ASTN2: variants seen among roughly 807,000 people sequenced by gnomAD.
The protein encoded by ASTN2 is astrotactin-2.
ASTN2 carries 54 observed loss-of-function variants against 139.8 expected under a neutral mutation model. The ratio of observed to expected loss-of-function variants is 0.39; its 90% CI spans 0.31 to 0.48. ASTN2 has a LOEUF of 0.48. Among genes scored for constraint, ASTN2 ranks in the 20% least tolerant of loss-of-function variants. The pLI is 0.95. For missense variants in ASTN2, 1,565 were observed against 1,725.1 expected (o/e 0.91, Z 1.64); for synonymous variants, 756 against 719.5 (o/e 1.05, Z -0.81).
chr9:116,779,674 T>C (rs1254980011), intron 13 of ASTN2, among the ~76,000 whole-genome samples: 1 of 152,162 alleles, frequency 6.6e-6, no homozygotes, highest in Non-Finnish European at 1.5e-5. Context: ...TTCTCTAGTA[T>C]TGCTAATTTC....
intron 5 of ASTN2, among the ~76,000 whole-genome samples, chr9:117,056,703 A>G (rs1007523304): frequency 6.6e-6 from 1 of 152,236 alleles, no homozygotes; most frequent in African/African-American, 2.4e-5. Context: ...GGAAGCCCCT[A>G]TGTTCACACA....
At chr9:116,853,389 C>T (rs186735490) in intron 11 of ASTN2, among the ~76,000 whole-genome samples, 1 of 152,136 alleles carries the variant, frequency 6.6e-6, no homozygotes, top group Admixed American at 6.5e-5. Flanking sequence ...CTTTTCGTTT[C>T]AGAGCTAAGG....
intron 16 of ASTN2, among the ~76,000 whole-genome samples, chr9:116,673,311 T>G (rs1859311552): frequency 6.6e-6 from 1 of 152,216 alleles, no homozygotes; most frequent in African/African-American, 2.4e-5. Context: ...ATTCACCGGT[T>G]ACATATCTCA....
chr9:117,316,034 T>C (rs1051879032), intron 1 of ASTN2, among the ~76,000 whole-genome samples: 1 of 152,210 alleles, frequency 6.6e-6, no homozygotes, highest in Non-Finnish European at 1.5e-5. Flanking sequence ...AGGAGGTAGA[T>C]ACTCATATTA....
intron 13 of ASTN2, among the ~76,000 whole-genome samples, chr9:116,790,659 T>G (rs910743578): frequency 6.6e-6 from 1 of 151,180 alleles, no homozygotes; most frequent in East Asian, 2.0e-4. Context: ...AACTGTCTTC[T>G]TCTCTTTATC....
In ASTN2 at chr9:117,414,643, G is replaced by GCGGCTC. The variant is rs1273138589; in HGVS notation, c.290_295dup (p.Gly97_Ala98dup). 9 of 1,387,014 alleles carry GCGGCTC rather than the reference G, an allele frequency of 6.5e-6. No individual in the cohort carries two copies. The East Asian group carries it at 2.8e-4, about 43-fold the overall frequency. The allele number at this position is 1,387,014 out of a possible 1,614,324, so 85.9% of individuals were successfully genotyped here. On this transcript the variant is annotated inframe_insertion, in exon 1 of 23. Transcript: ENST00000313400. This position sits in a 1 kb window ranked among gnomAD's most constrained non-coding sequence, Gnocchi z 4.2. ...AGAGCCCGGGGACGCGGCGGCGGCGGCGGCTCCGGCCCCGGTCCCAGCCCC... is the reference window on the plus strand; with the variant it reads ...AGAGCCCGGGGACGCGGCGGCGGCGGCGGCTCCGGCTCCGGCCCCGGTCCCAGCCCC...
intron 10 of ASTN2, among the ~76,000 whole-genome samples, chr9:116,883,210 T>A (rs906736472): frequency 1.3e-5 from 2 of 152,240 alleles, no homozygotes; most frequent in African/African-American, 4.8e-5. Flanking sequence ...AAGTTTAAAA[T>A]CATGATTTCT....
At chr9:117,294,171 T>G (rs1834669634) in intron 1 of ASTN2, among the ~76,000 whole-genome samples, 1 of 152,268 alleles carries the variant, frequency 6.6e-6, no homozygotes, top group Non-Finnish European at 1.5e-5. Flanking sequence ...CTAGAACCAG[T>G]GGATTTCCAG....
At chr9:117,334,792 G>T (rs1356931966) in intron 1 of ASTN2, among the ~76,000 whole-genome samples, 1 of 152,134 alleles carries the variant, frequency 6.6e-6, no homozygotes, top group Non-Finnish European at 1.5e-5. Context: ...GGAGGCTCAC[G>T]CCTGTAATCC....
intron 10 of ASTN2, among the ~76,000 whole-genome samples, chr9:116,916,450 A>G (rs1588409041): frequency 6.6e-6 from 1 of 152,316 alleles, no homozygotes; most frequent in Non-Finnish European, 1.5e-5. Context: ...CAGCTTGCCC[A>G]AGATCAGTGT....
chr9:116,925,377 GAT>G (rs923643065), intron 10 of ASTN2, among the ~76,000 whole-genome samples: 2 of 152,320 alleles, frequency 1.3e-5, no homozygotes, highest in Admixed American at 1.3e-4. Context: ...CACCTATCAT[GAT>G]AGTCATTTTT....
intron 2 of ASTN2, among the ~76,000 whole-genome samples, chr9:117,269,652 G>A (rs748616191): frequency 1.4e-4 from 21 of 152,190 alleles, no homozygotes; most frequent in Non-Finnish European, 1.9e-4. Context: ...GAGGTTCAGC[G>A]TGGGCAAGGC....
chr9:116,595,608 A>T (rs2131741074), intron 19 of ASTN2, among the ~76,000 whole-genome samples: 1 of 152,194 alleles, frequency 6.6e-6, no homozygotes, highest in South Asian at 2.1e-4. Flanking sequence ...TATAGGCGTG[A>T]GCCACCGCGC....
At chr9:116,998,343 C>T (rs1744094594) in intron 7 of ASTN2, among the ~76,000 whole-genome samples, 1 of 152,080 alleles carries the variant, frequency 6.6e-6, no homozygotes, top group African/African-American at 2.4e-5. Context: ...TATTTGAGTT[C>T]AGAAAAGACC....
intron 3 of ASTN2, among the ~76,000 whole-genome samples, chr9:117,175,605 A>G (rs748458333): frequency 2.0e-5 from 3 of 152,228 alleles, no homozygotes; most frequent in Non-Finnish European, 4.4e-5. Context: ...TGACCTCCAG[A>G]TACACGAGGA....
rs1554774064 is a variant in ASTN2, at chr9:117,060,384, A to AAGAAAGAT, written c.1277-20420_1277-20419insATCTTTCT. On this transcript the variant is annotated intron_variant, in intron 5 of 22. Coordinates refer to ENST00000313400, the MANE Select transcript of ASTN2 (RefSeq NM_001365068.1). The stretch of plus-strand genomic sequence containing the variant: ...AAAGAAAGAAAGAAAGAAAGAAAGA[A>AAGAAAGAT]AGAAAGAAAGAAAGAAAGAAAGAAA... Among the ~76,000 whole-genome samples, 8 of 78,750 alleles carry AAGAAAGAT rather than the reference A, an allele frequency of 1.0e-4. 2 individuals are homozygous for AAGAAAGAT. The highest frequency in any genetic ancestry group is 5.2e-4 in the African/African-American group (8 of 15,398). The allele number at this position is 78,750 out of a possible 152,430, so 51.7% of individuals were successfully genotyped here.
chr9:117,192,257 G>A (rs894922417), intron 3 of ASTN2, among the ~76,000 whole-genome samples: 6 of 152,082 alleles, frequency 3.9e-5, no homozygotes, highest in African/African-American at 1.4e-4. Flanking sequence ...AGAAACCAAA[G>A]CAAAAAAGCC....
intron 10 of ASTN2, among the ~76,000 whole-genome samples, chr9:116,888,671 C>T (rs548942511): frequency 8.0e-5 from 12 of 150,706 alleles, no homozygotes; most frequent in South Asian, 2.1e-4. Flanking sequence ...TACAGGCACG[C>T]GCCACCACAC....
At chr9:116,950,689 C>T (rs151274583) in intron 10 of ASTN2, among the ~76,000 whole-genome samples, 2 of 152,070 alleles carry the variant, frequency 1.3e-5, no homozygotes, top group Admixed American at 1.3e-4. Flanking sequence ...CTCCAGCCCC[C>T]CTTCTCTTTT....
Sources: gnomAD v4.1 joint callset for allele counts (sites outside exome capture counted in the v4.1 genomes callset) on GRCh38, gnomAD v4.1.1 for gene constraint, Gnocchi (gnomAD v3.1) non-coding constraint, MANE v1.5 for transcripts, NCBI Gene and HGNC (gene_info 2026-07-23, HGNC 2026-07-21) for gene names.